The following FAM110B variants were observed in gnomAD, a reference collection of about 807,000 sequenced individuals.
The protein encoded by FAM110B is protein FAM110B.
A neutral mutation model predicts 20.4 loss-of-function variants in FAM110B; 6 were observed. That is an observed-to-expected ratio of 0.29 (90% CI 0.16 to 0.58). The LOEUF (loss-of-function observed/expected upper bound fraction) is 0.58. Ranked by LOEUF, FAM110B falls within the 20% of genes least tolerant of loss-of-function variation. FAM110B has a pLI of 0.90. For synonymous variants in FAM110B, 226 were observed against 214.1 expected, an observed-to-expected ratio of 1.06 and a Z score of -0.49; for missense variants, 434 against 498.2, an observed-to-expected ratio of 0.87 and a Z score of 1.23.
chr8:57,998,630 A>G (rs1261274801), intron 1 of FAM110B, among the ~76,000 whole-genome samples: 3 of 152,352 alleles, frequency 2.0e-5, no homozygotes, highest in Middle Eastern at 3.4e-3. Context: ...TATTATACCC[A>G]AAGTGTTTCT....
chr8:58,146,174 C>T lies in FAM110B; in HGVS notation c.-57C>T, dbSNP rs1488285062. ...TTCATGTACATGTGTCTATTCAGGC[C>T]TTGCGGAGGCGCCCAGAAGAGCATC... On this transcript the variant is annotated 5_prime_UTR_variant, in exon 4 of 4. Transcript: ENST00000519262. 1 of 1,534,164 alleles carries T rather than the reference C, an allele frequency of 6.5e-7. No individual in the cohort carries two copies. The highest frequency in any genetic ancestry group is 8.8e-7 in the Non-Finnish European group (1 of 1,140,440).
At chr8:58,090,236 T>C (rs532995625) in intron 3 of FAM110B, among the ~76,000 whole-genome samples, 25 of 152,340 alleles carry the variant, frequency 1.6e-4, no homozygotes, top group African/African-American at 5.8e-4. Context: ...CTCAGCTCAC[T>C]GCAACCTCCG....
intron 3 of FAM110B, among the ~76,000 whole-genome samples, chr8:58,140,666 GTCA>G (rs1280367823): frequency 6.6e-6 from 1 of 152,200 alleles, no homozygotes; most frequent in African/African-American, 2.4e-5. Context: ...AAAATCCAAA[GTCA>G]TCTGCCTTTC....
intron 3 of FAM110B, among the ~76,000 whole-genome samples, chr8:58,110,233 AGGGT>A (rs1807027387): frequency 6.6e-6 from 1 of 152,164 alleles, no homozygotes; most frequent in Non-Finnish European, 1.5e-5. Context: ...TTTGTTGGGG[AGGGT>A]GGGGGATTGT....
intron 1 of FAM110B, among the ~76,000 whole-genome samples, chr8:58,014,605 C>A (rs980366530): frequency 2.0e-5 from 3 of 152,220 alleles, no homozygotes; most frequent in Non-Finnish European, 4.4e-5. Context: ...CAGGCTTTAA[C>A]CTTCTCATTG....
intron 2 of FAM110B, among the ~76,000 whole-genome samples, chr8:58,065,045 TTTAGA>T (rs1296844854): frequency 2.0e-5 from 3 of 152,224 alleles, no homozygotes; most frequent in Non-Finnish European, 4.4e-5. Flanking sequence ...TACATACTTG[TTTAGA>T]TTAAAGTCTA....
chr8:58,137,432 G>T lies in FAM110B; in HGVS notation c.-324-8475G>T, dbSNP rs145471058. Reference sequence around the variant, plus strand: ...AAAAATTAGCCAGGCGTAGTGGCAGGCGCCTGTAATCCCAGCTACTCAGAA... The same window carrying T: ...AAAAATTAGCCAGGCGTAGTGGCAGTCGCCTGTAATCCCAGCTACTCAGAA... On this transcript the variant is annotated intron_variant, in intron 3 of 3. Transcript: ENST00000519262. Among the ~76,000 whole-genome samples, 239 of 152,228 alleles carry T rather than the reference G, an allele frequency of 1.6e-3. 1 individual carries two copies. Among genetic ancestry groups the T allele is most frequent in the African/African-American group, 5.5e-3 (228 of 41,552 alleles).
At chr8:58,123,781 A>ATGCCAGAC (rs1807424857) in intron 3 of FAM110B, among the ~76,000 whole-genome samples, 1 of 152,228 alleles carries the variant, frequency 6.6e-6, no homozygotes, top group East Asian at 1.9e-4. Flanking sequence ...TCTGTCAGCT[A>ATGCCAGAC]TGCCAGACTT....
intron 1 of FAM110B, among the ~76,000 whole-genome samples, chr8:58,023,385 A>G (rs980558728): frequency 1.3e-5 from 2 of 152,220 alleles, no homozygotes; most frequent in African/African-American, 4.8e-5. Context: ...CTGAGCAGCT[A>G]CAAAATACAT....
chr8:58,061,088 G>A (rs1042132232), intron 2 of FAM110B, among the ~76,000 whole-genome samples: 6 of 152,132 alleles, frequency 3.9e-5, no homozygotes, highest in Non-Finnish European at 8.8e-5. Flanking sequence ...TCTTTCTAAA[G>A]CCTGGCATTG....
At chr8:58,006,923 A>ATATATATATATATATATATATATATTTT in intron 1 of FAM110B, among the ~76,000 whole-genome samples, 13 of 126,528 alleles carry the variant, frequency 1.0e-4, no homozygotes, top group African/African-American at 3.9e-4. Flanking sequence ...ATATATATAT[A>ATATATATATATATATATATATATATTTT]TTTTTCCAAA....
At chr8:58,145,010 TA>T (rs1245757135) in intron 3 of FAM110B, among the ~76,000 whole-genome samples, 4 of 152,250 alleles carry the variant, frequency 2.6e-5, no homozygotes, top group Admixed American at 1.3e-4. Context: ...TAAAGTAACA[TA>T]TTTTTAGGTA....
chr8:58,112,623 T>C (rs922945410), intron 3 of FAM110B, among the ~76,000 whole-genome samples: 3 of 152,170 alleles, frequency 2.0e-5, no homozygotes, highest in African/African-American at 7.2e-5. Context: ...TCTCCTGGGG[T>C]TTGTCACCCC....
intron 2 of FAM110B, among the ~76,000 whole-genome samples, chr8:58,050,356 A>G (rs968387273): frequency 6.6e-6 from 1 of 152,118 alleles, no homozygotes; most frequent in Non-Finnish European, 1.5e-5. Flanking sequence ...ACAGATTTCC[A>G]CAGACAGTAC....
At chr8:58,125,246 G>A (rs1003744205) in intron 3 of FAM110B, among the ~76,000 whole-genome samples, 1 of 152,150 alleles carries the variant, frequency 6.6e-6, no homozygotes, top group Admixed American at 6.5e-5. Flanking sequence ...TACTCAAGGG[G>A]CTAAGGTGGA....
At chr8:58,088,456 A>T (rs759869982) in intron 3 of FAM110B, among the ~76,000 whole-genome samples, 2 of 152,226 alleles carry the variant, frequency 1.3e-5, no homozygotes, top group Non-Finnish European at 2.9e-5. Context: ...CTTTCTCTAT[A>T]ATACATTGTC....
chr8:58,105,817 G>A (rs542772411), intron 3 of FAM110B, among the ~76,000 whole-genome samples: 15 of 152,000 alleles, frequency 9.9e-5, no homozygotes, highest in African/African-American at 2.2e-4. Context: ...TGATCCGCCC[G>A]CCTCAGCCTC....
intron 2 of FAM110B, among the ~76,000 whole-genome samples, chr8:58,059,942 A>G (rs1241000107): frequency 6.6e-6 from 1 of 151,890 alleles, no homozygotes; most frequent in Non-Finnish European, 1.5e-5. Context: ...GCGTTTACTA[A>G]TTTTTTTTAA....
chr8:58,000,977 T>C (rs534909944), intron 1 of FAM110B, among the ~76,000 whole-genome samples: 3 of 152,314 alleles, frequency 2.0e-5, no homozygotes, highest in Non-Finnish European at 2.9e-5. Flanking sequence ...ATTGTGTGGG[T>C]TGTTAATATG....
Sources: allele counts gnomAD v4.1 joint callset (sites outside exome capture counted in the v4.1 genomes callset), GRCh38; gene constraint gnomAD v4.1.1; transcripts MANE v1.5; gene names NCBI Gene and HGNC (gene_info 2026-07-23, HGNC 2026-07-21).